Variants in PAK5 observed in about 807,000 individuals in gnomAD.
PAK5 encodes the protein p21 (RAC1) activated kinase 5.
PAK5 carries 16 observed loss-of-function variants against 65.9 expected under a neutral mutation model. That is an observed-to-expected ratio of 0.24 (90% CI 0.16 to 0.37). The LOEUF is 0.37. Among genes scored for constraint, PAK5 ranks in the 10% least tolerant of loss-of-function variants. The pLI is 1.00. For missense variants in PAK5, 785 were observed against 903.9 expected, an observed-to-expected ratio of 0.87 and a Z score of 1.69; for synonymous variants, 371 against 354.9, an observed-to-expected ratio of 1.05 and a Z score of -0.51.
At chr20:9,648,738 T>C (rs566730812) in intron 2 of PAK5, among the ~76,000 whole-genome samples, 95 of 152,264 alleles carry the variant, frequency 6.2e-4, no homozygotes, top group Middle Eastern at 3.4e-3. Flanking sequence ...ATTTAGAATC[T>C]CAAAACACAA....
At chr20:9,647,289 A>G (rs6056775) in intron 2 of PAK5, among the ~76,000 whole-genome samples, 145,154 of 152,316 alleles carry the variant, frequency 0.95, 69,196 homozygotes, top group East Asian at 1. Flanking sequence ...CCATCTCTCT[A>G]AATTATTTAG....
intron 8 of PAK5, among the ~76,000 whole-genome samples, chr20:9,543,548 AAGAG>A (rs2045299865): frequency 6.6e-6 from 1 of 152,120 alleles, no homozygotes; most frequent in Non-Finnish European, 1.5e-5. Flanking sequence ...TCAAGCAAAC[AAGAG>A]AAAGAGAAAG....
chr20:9,768,254 A>C (rs896406014), intron 1 of PAK5, among the ~76,000 whole-genome samples: 2 of 151,960 alleles, frequency 1.3e-5, no homozygotes, highest in African/African-American at 4.8e-5. Flanking sequence ...CAGGGTTTAG[A>C]AAACCAAATC....
At chr20:9,655,850 T>C (rs1166304992) in intron 2 of PAK5, among the ~76,000 whole-genome samples, 4 of 152,130 alleles carry the variant, frequency 2.6e-5, no homozygotes, top group African/African-American at 9.7e-5. Context: ...TTCCGAGACT[T>C]CTCTCCCTGG....
At chr20:9,735,210 G>T (rs1454998650) in intron 1 of PAK5, among the ~76,000 whole-genome samples, 1 of 152,150 alleles carries the variant, frequency 6.6e-6, no homozygotes, top group African/African-American at 2.4e-5. Flanking sequence ...TGAGCTAAGA[G>T]ACCAAAGAGA....
intron 3 of PAK5, among the ~76,000 whole-genome samples, chr20:9,606,600 C>G (rs558993544): frequency 2.0e-5 from 3 of 152,258 alleles, no homozygotes; most frequent in South Asian, 4.2e-4. Flanking sequence ...CACAATCATA[C>G]AGGTACTAAA....
At chr20:9,563,155 T>A in intron 5 of PAK5, 131 bp from the exon 6 acceptor site, 1 of 814,738 alleles carries the variant, frequency 1.2e-6, no homozygotes, top group Non-Finnish European at 2.0e-6. Context: ...TCAGAAAATC[T>A]ATTACAGACA....
At chr20:9,552,703 A>C (rs2122932222) in intron 7 of PAK5, among the ~76,000 whole-genome samples, 1 of 134,428 alleles carries the variant, frequency 7.4e-6, no homozygotes, top group Non-Finnish European at 1.5e-5. Flanking sequence ...CCTAACTTTA[A>C]AAAATTTTTA....
chr20:9,730,041 GAA>G (rs33912007), intron 1 of PAK5, among the ~76,000 whole-genome samples: 1 of 136,480 alleles, frequency 7.3e-6, no homozygotes, highest in Non-Finnish European at 1.6e-5. Context: ...GAATTGTCTC[GAA>G]AAAAAAAAAA....
intron 1 of PAK5, among the ~76,000 whole-genome samples, chr20:9,737,889 T>A (rs1209582814): frequency 6.6e-6 from 1 of 152,108 alleles, no homozygotes; most frequent in Non-Finnish European, 1.5e-5. Flanking sequence ...ATGCCTATAA[T>A]CCCAGCACTT....
At chr20:9,743,213 TA>T (rs1001219335) in intron 1 of PAK5, among the ~76,000 whole-genome samples, 3 of 150,962 alleles carry the variant, frequency 2.0e-5, no homozygotes, top group African/African-American at 7.3e-5. Context: ...ACGAAAATAA[TA>T]AAAAAATTAG....
intron 1 of PAK5, among the ~76,000 whole-genome samples, chr20:9,805,201 A>G (rs2049217171): frequency 6.6e-6 from 1 of 152,218 alleles, no homozygotes; most frequent in Non-Finnish European, 1.5e-5. Flanking sequence ...TAGGATGGCT[A>G]GAATCGAATA....
rs186912506 is a variant in PAK5 at position 9,798,959 on chromosome 20, C to G, written c.-162+39803G>C. 1.8e-4 allele frequency among the ~76,000 whole-genome samples: 27 copies of G among 152,154 alleles called. No individual in the cohort carries two copies. In the East Asian group the frequency reaches 4.8e-3, roughly 27 times the overall value. On this transcript the variant is annotated intron_variant, in intron 1 of 9. Transcript: ENST00000353224. ...CACCATTCAGGTGATTCTGATGGAT[C>G]TTAAACGTTTGAGAATCATAAATCT...
chr20:9,782,534 G>A (rs2048951686), intron 1 of PAK5, among the ~76,000 whole-genome samples: 1 of 152,162 alleles, frequency 6.6e-6, no homozygotes, highest in Admixed American at 6.5e-5. Context: ...CGTGACATGT[G>A]GGTGGCAGGC....
intron 9 of PAK5, 120 bp downstream of exon 9, chr20:9,542,466 A>T (rs1465239354): frequency 1.0e-6 from 1 of 988,508 alleles, no homozygotes; most frequent in African/African-American, 1.6e-5. Context: ...CTATTTCCAA[A>T]GTCCATGCTC....
intron 7 of PAK5, among the ~76,000 whole-genome samples, chr20:9,556,988 G>C (rs1488235683): frequency 2.0e-5 from 3 of 152,132 alleles, no homozygotes; most frequent in Admixed American, 6.6e-5. Context: ...TTCTACCAAA[G>C]ATCAGAGCAC....
At chr20:9,676,935 G>A (rs1298564513) in intron 2 of PAK5, among the ~76,000 whole-genome samples, 1 of 152,070 alleles carries the variant, frequency 6.6e-6, no homozygotes, top group African/African-American at 2.4e-5. Context: ...ATGGGTGTTG[G>A]CTAGCATTTC....
At chr20:9,666,448 A>G (rs918308344) in intron 2 of PAK5, among the ~76,000 whole-genome samples, 1,689 of 152,028 alleles carry the variant, frequency 0.011, 38 homozygotes, top group African/African-American at 0.038. Flanking sequence ...GAAAAAAAAA[A>G]AAGAGAAAGA....
rs2122994357 is a variant in PAK5 at position 9,566,027 on chromosome 20, C to T, written c.1348G>A (p.Ala450Thr). Residue 450 changes from alanine to threonine, a missense_variant, in exon 5 of 10, where the codon GCC becomes ACC. Around this residue, in one of 4 missense-constraint regions of PAK5, gnomAD observed 182 missense variants for 273.0 expected, o/e 0.67. Transcript: ENST00000353224. The part of the protein sequence containing the change: ...VSPGDPREYL[A>T]NFIKIGEGST... The stretch of plus-strand genomic sequence containing the variant: ...CCTTCCCCGATTTTGATAAAGTTGG[C>T]CAAGTATTCCCTGGGGTCTCCTGGG... 1 of 1,613,880 alleles carries T rather than the reference C, an allele frequency of 6.2e-7. No homozygotes were observed. Among genetic ancestry groups the T allele is most frequent in the South Asian group, 1.1e-5 (1 of 91,056 alleles).
Sources: gnomAD v4.1 joint callset for allele counts (sites outside exome capture counted in the v4.1 genomes callset) on GRCh38, gnomAD v4.1.1 for gene constraint, gnomAD v4.1.1 regional missense constraint, MANE v1.5 for transcripts, NCBI Gene and HGNC (gene_info 2026-07-23, HGNC 2026-07-21) for gene names.